OXR1: variants seen among roughly 807,000 people sequenced by gnomAD.
OXR1 encodes oxidation resistance 1.
A neutral mutation model predicts 104.6 loss-of-function variants in OXR1; 41 were observed. The ratio of observed to expected loss-of-function variants is 0.39; its 90% CI spans 0.31 to 0.51. OXR1 has a LOEUF of 0.51. Among genes scored for constraint, OXR1 ranks in the 20% least tolerant of loss-of-function variants. The pLI, the probability that OXR1 is intolerant of heterozygous loss-of-function variation, is 0.77. For synonymous variants in OXR1, 348 were observed against 348.4 expected, an observed-to-expected ratio of 1.00 and a Z score of 0.01; for missense variants, 955 against 1,031.9, an observed-to-expected ratio of 0.93 and a Z score of 1.02.
intron 1 of OXR1, among the ~76,000 whole-genome samples, chr8:106,280,873 A>G (rs1229395479): frequency 6.6e-6 from 1 of 152,168 alleles, no homozygotes; most frequent in African/African-American, 2.4e-5. Flanking sequence ...CCTCAGACAC[A>G]AGGGAAATCT....
intron 2 of OXR1, among the ~76,000 whole-genome samples, chr8:106,400,633 G>A (rs1817964219): frequency 6.6e-6 from 1 of 152,110 alleles, no homozygotes. Context: ...GATTACTTGT[G>A]ACTGAAATAC....
chr8:106,540,754 A>C (rs1272221935), intron 3 of OXR1, among the ~76,000 whole-genome samples: 1 of 152,206 alleles, frequency 6.6e-6, no homozygotes, highest in Non-Finnish European at 1.5e-5. Flanking sequence ...AGCAAGTCAC[A>C]GCTTACATGG....
intron 3 of OXR1, among the ~76,000 whole-genome samples, chr8:106,625,283 ATCCCAGCT>A (rs1302661894): frequency 6.6e-6 from 1 of 152,144 alleles, no homozygotes; most frequent in Non-Finnish European, 1.5e-5. Context: ...TGTACCTGTA[ATCCCAGCT>A]TGCTGAGGCA....
intron 3 of OXR1, among the ~76,000 whole-genome samples, chr8:106,525,769 GAC>G (rs1473288207): frequency 6.6e-6 from 1 of 152,140 alleles, no homozygotes; most frequent in African/African-American, 2.4e-5. Context: ...CAAGGGAATT[GAC>G]AGTCTATTTG....
chr8:106,606,126 A>G (rs866515800), intron 3 of OXR1, among the ~76,000 whole-genome samples: 2 of 152,140 alleles, frequency 1.3e-5, no homozygotes, highest in Non-Finnish European at 2.9e-5. Context: ...TCGAGGTGTC[A>G]GTAGGTCTGT....
chr8:106,537,149 C>T (rs1476542728), intron 3 of OXR1, among the ~76,000 whole-genome samples: 1 of 152,036 alleles, frequency 6.6e-6, no homozygotes, highest in Non-Finnish European at 1.5e-5. Context: ...ATGAGGGCTT[C>T]ACCCTCATAA....
At chr8:106,479,665 G>A (rs939238113) in intron 2 of OXR1, among the ~76,000 whole-genome samples, 1 of 151,984 alleles carries the variant, frequency 6.6e-6, no homozygotes, top group Admixed American at 6.6e-5. Flanking sequence ...TTTAGAGACA[G>A]ACAATTAATT....
chr8:106,295,571 G>C (rs898928091), intron 1 of OXR1, among the ~76,000 whole-genome samples: 5 of 151,782 alleles, frequency 3.3e-5, no homozygotes, highest in Non-Finnish European at 7.4e-5. Flanking sequence ...TCTCTTATTT[G>C]CTTTAGTATC....
chr8:106,323,435 G>A (rs10105788), intron 1 of OXR1, among the ~76,000 whole-genome samples: 24,280 of 151,994 alleles, frequency 0.16, 2,229 homozygotes, highest in African/African-American at 0.24. Context: ...GCAATACCTC[G>A]TGCACATAGG....
intron 2 of OXR1, among the ~76,000 whole-genome samples, chr8:106,427,670 A>AAAAT (rs1819187885): frequency 6.6e-6 from 1 of 152,202 alleles, no homozygotes; most frequent in African/African-American, 2.4e-5. Flanking sequence ...ATCTCTATGA[A>AAAAT]AAATACTTGA....
chr8:106,524,346 C>T (rs973713777), intron 3 of OXR1, among the ~76,000 whole-genome samples: 3 of 152,182 alleles, frequency 2.0e-5, no homozygotes, highest in Non-Finnish European at 2.9e-5. Context: ...CAAGCATGTA[C>T]GATTGCTCCC....
chr8:106,597,371 A>C (rs527457259), intron 3 of OXR1, among the ~76,000 whole-genome samples: 3 of 152,228 alleles, frequency 2.0e-5, no homozygotes, highest in African/African-American at 7.2e-5. Flanking sequence ...ACCTGCAGGC[A>C]CCTTGATCTT....
intron 3 of OXR1, among the ~76,000 whole-genome samples, chr8:106,575,695 A>G (rs1008415838): frequency 1.8e-4 from 15 of 82,918 alleles, no homozygotes; most frequent in African/African-American, 8.0e-4. Context: ...CTTGAAGAAT[A>G]TATTAAAAAA....
intron 1 of OXR1, among the ~76,000 whole-genome samples, chr8:106,338,933 T>C (rs969599667): frequency 2.0e-5 from 3 of 152,112 alleles, no homozygotes; most frequent in African/African-American, 4.8e-5. Context: ...CAAATAGGAC[T>C]GCGAATACTC....
intron 11 of OXR1, among the ~76,000 whole-genome samples, chr8:106,717,899 G>A (rs1342799151): frequency 6.6e-6 from 1 of 151,326 alleles, no homozygotes; most frequent in Admixed American, 6.6e-5. Flanking sequence ...TTTTTGTTCT[G>A]TTTAAACATA....
chr8:106,467,836 AT>A (rs1821257969), intron 2 of OXR1, among the ~76,000 whole-genome samples: 1 of 151,954 alleles, frequency 6.6e-6, no homozygotes, highest in African/African-American at 2.4e-5. Context: ...ATGTTGACAA[AT>A]TAGTAAAACC....
chr8:106,376,960 C>G (rs1816931917), intron 2 of OXR1, among the ~76,000 whole-genome samples: 4 of 152,124 alleles, frequency 2.6e-5, no homozygotes, highest in Non-Finnish European at 5.9e-5. Context: ...CTAATTGCTA[C>G]TTTTTAATTT....
intron 2 of OXR1, among the ~76,000 whole-genome samples, chr8:106,422,462 G>T (rs1459642593): frequency 6.6e-6 from 1 of 151,966 alleles, no homozygotes; most frequent in East Asian, 1.9e-4. Context: ...CTTAGAAAAA[G>T]ACAATAAATA....
chr8:106,659,835 T>C (rs550503820), intron 3 of OXR1, among the ~76,000 whole-genome samples: 1 of 152,198 alleles, frequency 6.6e-6, no homozygotes, highest in African/African-American at 2.4e-5. Context: ...TGTTTATATA[T>C]GTGGAGCACA....
Sources: allele counts gnomAD v4.1 joint callset (sites outside exome capture counted in the v4.1 genomes callset), GRCh38; gene constraint gnomAD v4.1.1; transcripts MANE v1.5; gene names NCBI Gene and HGNC (gene_info 2026-07-23, HGNC 2026-07-21).